TMEM232: variants seen among roughly 807,000 people sequenced by gnomAD.
TMEM232 encodes the protein transmembrane protein 232.
In TMEM232, 80 loss-of-function variants were observed where a neutral mutation model predicts 78.8. That is an observed-to-expected ratio of 1.01 (90% CI 0.85 to 1.22). The LOEUF (loss-of-function observed/expected upper bound fraction) is 1.22, where lower values mean the gene tolerates loss of function less well. Ranked by LOEUF, TMEM232 falls within the 50% of genes most tolerant of loss-of-function variation. The probability of loss-of-function intolerance (pLI) is 0.00; values close to 1 mark genes in which losing one functional copy is unlikely to be tolerated. For missense variants in TMEM232, 881 were observed against 742.2 expected, an observed-to-expected ratio of 1.19 and a Z score of -2.17; for synonymous variants, 297 against 254.3, an observed-to-expected ratio of 1.17 and a Z score of -1.60.
At chr5:110,504,749 G>A (rs1217767385) in intron 12 of TMEM232, among the ~76,000 whole-genome samples, 1 of 152,154 alleles carries the variant, frequency 6.6e-6, no homozygotes, top group Non-Finnish European at 1.5e-5. Context: ...CAACTGATTG[G>A]ACAAGGGCCA....
At chr5:110,721,797 A>G (rs1331399347) in intron 1 of TMEM232, among the ~76,000 whole-genome samples, 1 of 150,662 alleles carries the variant, frequency 6.6e-6, no homozygotes, top group Admixed American at 6.7e-5. Context: ...TAAGAAAGAC[A>G]TAGTTTAAAC....
chr5:110,710,141 C>T (rs10069685), intron 1 of TMEM232, among the ~76,000 whole-genome samples: 14,335 of 151,920 alleles, frequency 0.094, 805 homozygotes, highest in South Asian at 0.2. Flanking sequence ...AGCAACTCTA[C>T]GCCAAAAAAT....
At chr5:110,717,659 A>C (rs1437808225) in intron 1 of TMEM232, among the ~76,000 whole-genome samples, 1 of 152,076 alleles carries the variant, frequency 6.6e-6, no homozygotes, top group Non-Finnish European at 1.5e-5. Context: ...TCACATGTTG[A>C]GAGAGGAACT....
At chr5:110,459,778 C>G (rs539369266) in intron 12 of TMEM232, among the ~76,000 whole-genome samples, 1 of 151,996 alleles carries the variant, frequency 6.6e-6, no homozygotes, top group Non-Finnish European at 1.5e-5. Context: ...AACCAGGTGG[C>G]GAAAATTTAA....
chr5:110,593,227 G>A (rs12515654), intron 10 of TMEM232, among the ~76,000 whole-genome samples: 1 of 152,208 alleles, frequency 6.6e-6, no homozygotes, highest in Admixed American at 6.5e-5. Context: ...TAGGTAAAAA[G>A]AACAATATTT....
At chr5:110,633,575 T>C (rs1437550317) in intron 5 of TMEM232, among the ~76,000 whole-genome samples, 1 of 152,274 alleles carries the variant, frequency 6.6e-6, no homozygotes, top group South Asian at 2.1e-4. Flanking sequence ...GAGTGAGTTC[T>C]CATGACATCT....
intron 1 of TMEM232, among the ~76,000 whole-genome samples, chr5:110,717,510 C>A (rs188301096): frequency 3.3e-5 from 5 of 152,260 alleles, no homozygotes; most frequent in African/African-American, 9.6e-5. Flanking sequence ...ACAAAGATAG[C>A]AAAACTGATG....
intron 1 of TMEM232, among the ~76,000 whole-genome samples, chr5:110,706,736 G>A (rs959637140): frequency 1.3e-5 from 2 of 152,044 alleles, no homozygotes; most frequent in South Asian, 2.1e-4. Flanking sequence ...TCTCAAGAGC[G>A]CCTAAAGAAA....
At position 110,528,849 on chromosome 5, in the gene TMEM232, A is replaced by C; in HGVS notation, c.1456-14T>G. On this transcript the variant is annotated splice_polypyrimidine_tract_variant and intron_variant, in intron 11 of 13. Transcript: ENST00000455884. ...ATTTAACTCAGCCTGTTGAAAGAAA[A>C]GAGAAAGGAATCAGTTGAAACAGGA... 7.1e-7 allele frequency: 1 copy of C among 1,408,740 alleles called. No individual in the cohort carries two copies. The highest frequency in any genetic ancestry group is 2.8e-5 in the Admixed American group (1 of 36,292). 87.3% of individuals were successfully genotyped at this position (1,408,740 alleles called of 1,614,324 possible). A position where few individuals can be genotyped will look rare whatever the true frequency, so the allele number is the denominator to read the frequency against.
At chr5:110,555,950 T>C (rs1350780018) in intron 11 of TMEM232, among the ~76,000 whole-genome samples, 2 of 152,206 alleles carry the variant, frequency 1.3e-5, no homozygotes, top group Non-Finnish European at 2.9e-5. Flanking sequence ...TGCCACTTTG[T>C]ACTTTTTAAG....
intron 10 of TMEM232, among the ~76,000 whole-genome samples, chr5:110,597,840 C>T (rs930176058): frequency 3.3e-5 from 5 of 152,218 alleles, no homozygotes; most frequent in Non-Finnish European, 7.4e-5. Flanking sequence ...GATCCCTTCC[C>T]TACACCTTAT....
At chr5:110,732,055 G>C (rs368498777) in intron 2 of TMEM232, among the ~76,000 whole-genome samples, 3 of 152,088 alleles carry the variant, frequency 2.0e-5, no homozygotes, top group African/African-American at 7.2e-5. Flanking sequence ...CAAGTTCAAA[G>C]TTCCACAAAT....
At chr5:110,494,302 T>C (rs1254559991) in intron 12 of TMEM232, among the ~76,000 whole-genome samples, 1 of 152,104 alleles carries the variant, frequency 6.6e-6, no homozygotes, top group Non-Finnish European at 1.5e-5. Flanking sequence ...GCCAAAAATA[T>C]GTGCAAATGA....
intron 10 of TMEM232, among the ~76,000 whole-genome samples, chr5:110,572,506 C>A (rs1371284143): frequency 6.6e-6 from 1 of 152,010 alleles, no homozygotes; most frequent in Non-Finnish European, 1.5e-5. Flanking sequence ...CTGACAAAAA[C>A]ACATACAAAC....
intron 5 of TMEM232, chr5:110,387,751 C>T (rs1352612290): frequency 6.6e-6 from 1 of 152,158 alleles, no homozygotes; most frequent in Non-Finnish European, 1.5e-5. Flanking sequence ...GTACAGCATA[C>T]TGTGGTCCTT....
At chr5:110,617,654 G>A (rs1783110355) in intron 8 of TMEM232, among the ~76,000 whole-genome samples, 1 of 151,942 alleles carries the variant, frequency 6.6e-6, no homozygotes, top group Non-Finnish European at 1.5e-5. Context: ...ACTAATATTT[G>A]TCAGTCAAGA....
chr5:110,588,597 C>A (rs552255122), intron 10 of TMEM232, among the ~76,000 whole-genome samples: 1 of 152,124 alleles, frequency 6.6e-6, no homozygotes, highest in Admixed American at 6.6e-5. Flanking sequence ...AGGACTAGAA[C>A]GCGAGAAAAT....
intron 10 of TMEM232, among the ~76,000 whole-genome samples, chr5:110,586,551 T>A (rs911537115): frequency 1.3e-5 from 2 of 148,502 alleles, no homozygotes; most frequent in Admixed American, 1.4e-4. Context: ...AGAAGGCATA[T>A]TTCCATACAC....
At chr5:110,694,860 T>TTGGGAA (rs1342553395) in intron 1 of TMEM232, among the ~76,000 whole-genome samples, 1 of 152,180 alleles carries the variant, frequency 6.6e-6, no homozygotes, top group East Asian at 1.9e-4. Flanking sequence ...ATGGGAGACT[T>TTGGGAA]TAACACCCCA....
Sources: allele counts gnomAD v4.1 joint callset (sites outside exome capture counted in the v4.1 genomes callset), GRCh38; gene constraint gnomAD v4.1.1; transcripts MANE v1.5; gene names NCBI Gene and HGNC (gene_info 2026-07-23, HGNC 2026-07-21).